Variants in KIAA0586 observed in about 807,000 individuals in gnomAD.
KIAA0586 encodes protein TALPID3.
Under a neutral mutation model 169.8 loss-of-function variants are expected in KIAA0586, and 144 were observed. The ratio of observed to expected loss-of-function variants is 0.85; its 90% CI spans 0.74 to 0.97. The LOEUF is 0.97. Among genes scored for constraint, KIAA0586 ranks in the 50% least tolerant of loss-of-function variants. The pLI is 0.00. For synonymous variants in KIAA0586, 625 were observed against 612.4 expected (o/e 1.02, Z -0.30); for missense variants, 1,854 against 1,823.0 (o/e 1.02, Z -0.31).
intron 29 of KIAA0586, 134 bp downstream of exon 29, chr14:58,512,761 G>A (rs1164515095): frequency 1.8e-6 from 1 of 552,332 alleles, no homozygotes; most frequent in East Asian, 3.5e-5. Context: ...CTCTCATTTA[G>A]TCCATTTACA....
At chr14:58,543,749 T>G (rs753122900) in intron 30 of KIAA0586, 2 of 347,830 alleles carry the variant, frequency 5.7e-6, no homozygotes, top group Non-Finnish European at 5.6e-6. Flanking sequence ...CCAAAATATC[T>G]TGACCCTATT....
chr14:58,512,569 A>G lies in KIAA0586; in HGVS notation c.4371A>G (p.Pro1457=), dbSNP rs1300135286. Residue 1457 remains proline (P), a synonymous_variant, in exon 29 of 31, where the codon CCA becomes CCG. Transcript: ENST00000652326. ...ATGTTAAGCAAGTTGAACACAAACC[A>G]TCACAAAGTTACCTACGTGTTAGAA... ...NQDVKQVEHK[P]SQSYLRVRNK... 1.9e-6 allele frequency: 3 copies of G among 1,546,602 alleles called. No individual in the cohort carries two copies. Among genetic ancestry groups the G allele is most frequent in the Non-Finnish European group, 2.6e-6 (3 of 1,154,932 alleles).
chr14:58,524,672 C>T (rs74371352), intron 29 of KIAA0586, among the ~76,000 whole-genome samples: 7,455 of 152,248 alleles, frequency 0.049, 258 homozygotes, highest in South Asian at 0.11. Flanking sequence ...TACTTAACCT[C>T]TCTGTGCTAT....
At chr14:58,444,940 A>C (rs1453941146) in intron 6 of KIAA0586, among the ~76,000 whole-genome samples, 1 of 150,918 alleles carries the variant, frequency 6.6e-6, no homozygotes, top group Non-Finnish European at 1.5e-5. Context: ...AAAAAAAAAA[A>C]AATTTAGCCT....
rs375522188 is a variant in KIAA0586, at chr14:58,462,414, AT to A, written c.2059+1264del. Among the ~76,000 whole-genome samples, 8 of 149,230 alleles carry A rather than the reference AT, an allele frequency of 5.4e-5. 1 individual carries two copies. Among genetic ancestry groups the A allele is most frequent in the Admixed American group, 6.7e-5 (1 of 14,962 alleles). ...AGGCATGCGCCACAATGCCCAGCTA[AT>A]TTTTTTTTTGTATTTTTAGTAGAGA... On this transcript the variant is annotated intron_variant, in intron 14 of 30. Coordinates refer to ENST00000652326, the MANE Select transcript of KIAA0586 (RefSeq NM_001329943.3).
At chr14:58,474,382 A>G (rs533926861) in intron 18 of KIAA0586, among the ~76,000 whole-genome samples, 10 of 152,354 alleles carry the variant, frequency 6.6e-5, no homozygotes, top group African/African-American at 2.4e-4. Flanking sequence ...CATAAAATGA[A>G]TATTGGGTTC....
Sources: allele counts gnomAD v4.1 joint callset (sites outside exome capture counted in the v4.1 genomes callset), GRCh38; gene constraint gnomAD v4.1.1; transcripts MANE v1.5; gene names NCBI Gene and HGNC (gene_info 2026-07-23, HGNC 2026-07-21).